The following AGMO variants were observed in gnomAD, a reference collection of about 807,000 sequenced individuals.
AGMO encodes alkylglycerol monooxygenase.
Under a neutral mutation model 60.2 loss-of-function variants are expected in AGMO, and 75 were observed. The ratio of observed to expected loss-of-function variants is 1.25; its 90% confidence interval spans 1.03 to 1.51. AGMO has a LOEUF of 1.51. Among genes scored for constraint, AGMO ranks in the 40% most tolerant of loss-of-function variants. The pLI is 0.00. For synonymous variants in AGMO, 261 were observed against 177.1 expected (o/e 1.47, Z -3.76); for missense variants, 763 against 525.5 (o/e 1.45, Z -4.42).
intron 12 of AGMO, among the ~76,000 whole-genome samples, chr7:15,328,816 C>A (rs1300321505): frequency 6.6e-6 from 1 of 151,992 alleles, no homozygotes; most frequent in Non-Finnish European, 1.5e-5. Flanking sequence ...CTGGTGTTAA[C>A]CTCTCTGAGG....
chr7:15,195,780 G>A (rs752220970), downstream of AGMO, among the ~76,000 whole-genome samples: 125 of 152,194 alleles, frequency 8.2e-4, no homozygotes, highest in Non-Finnish European at 1.2e-3. Flanking sequence ...CCTTACCGAG[G>A]ACTTCCTTAT....
Position 15,411,659 on chromosome 7 carries a change from C to T in AGMO, c.609+6899G>A, listed in dbSNP as rs570321306. 1.9e-4 allele frequency among the ~76,000 whole-genome samples: 29 copies of T among 151,826 alleles called. No homozygotes were observed. The South Asian group carries it at 2.1e-3, about 11-fold the overall frequency. ...ACAAAATAAATATTTAATTTGATAA[C>T]GAATATGTGCCAAGTAGATTAATAA... On this transcript the variant is annotated intron_variant, in intron 5 of 12. Transcript: ENST00000342526.
intron 12 of AGMO, among the ~76,000 whole-genome samples, chr7:15,314,429 A>G (rs1358268805): frequency 6.6e-6 from 1 of 152,138 alleles, no homozygotes; most frequent in Non-Finnish European, 1.5e-5. Context: ...ATGTATGCTT[A>G]AAGTTTATAA....
In AGMO at chr7:15,253,769, C is replaced by T. The variant is rs371855229; in HGVS notation, c.1264-52410G>A. Among the ~76,000 whole-genome samples the T allele has an allele frequency of 1.6e-4, 24 of 152,280 alleles. No individual in the cohort carries two copies. The South Asian group carries it at 5.0e-3, about 32-fold the overall frequency. On this transcript the variant is annotated intron_variant, in intron 12 of 12. Coordinates refer to ENST00000342526, the MANE Select transcript of AGMO (RefSeq NM_001004320.2). ...GTTATTGTTAGCTATAGTCACCCTACTGTGCAATAGAGTACCAGAACTTAT... is the reference window on the plus strand; with the variant it reads ...GTTATTGTTAGCTATAGTCACCCTATTGTGCAATAGAGTACCAGAACTTAT...
chr7:15,192,018 C>T, the AGMO span, among the ~76,000 whole-genome samples: 1 of 150,994 alleles, frequency 6.6e-6, no homozygotes, highest in Non-Finnish European at 1.5e-5. Flanking sequence ...GAGAACTATT[C>T]ATCAAAAATC....
Position 15,390,692 on chromosome 7 carries a change from T to C in AGMO, c.801A>G (p.Thr267=), listed in dbSNP as rs1487318927. ...VVYGLTHPIN[T]FEPIKVQFHH... is the part of the protein sequence containing the mutation. ...TTACCTGCACTTTGATTGGTTCAAA[T>C]GTATTAATGGGATGTGTTAAGCCAT... The change falls in exon 8 of 13, where the codon ACA becomes ACG. Residue 267 remains threonine, a synonymous_variant. Coordinates refer to ENST00000342526, the MANE Select transcript of AGMO (RefSeq NM_001004320.2). 1 of 1,607,062 alleles carries C rather than the reference T, an allele frequency of 6.2e-7. No homozygotes were observed. Among genetic ancestry groups the C allele is most frequent in the Non-Finnish European group, 8.5e-7 (1 of 1,175,738 alleles).
intron 3 of AGMO, among the ~76,000 whole-genome samples, chr7:15,442,705 A>G (rs1157245398): frequency 6.6e-6 from 1 of 152,080 alleles, no homozygotes; most frequent in Admixed American, 6.6e-5. Flanking sequence ...CCACAGACCT[A>G]GGTGAGGACA....
chr7:15,151,823 T>C, the AGMO span, among the ~76,000 whole-genome samples: 94 of 152,266 alleles, frequency 6.2e-4, no homozygotes, highest in African/African-American at 2.2e-3. Flanking sequence ...GTTAGGTCCA[T>C]TTGGTCAGGG....
At chr7:15,350,846 G>A (rs184251363) in intron 12 of AGMO, among the ~76,000 whole-genome samples, 15 of 152,232 alleles carry the variant, frequency 9.9e-5, no homozygotes, top group South Asian at 2.1e-4. Flanking sequence ...ATAATGTGCT[G>A]AGCATATGGA....
chr7:15,197,080 C>G (rs1781136936), downstream of AGMO, among the ~76,000 whole-genome samples: 1 of 151,416 alleles, frequency 6.6e-6, no homozygotes, highest in South Asian at 2.1e-4. Context: ...CTGAGGCAGG[C>G]TTAAGATAGA....
chr7:15,118,792 T>C, the AGMO span, among the ~76,000 whole-genome samples: 1 of 151,478 alleles, frequency 6.6e-6, no homozygotes, highest in African/African-American at 2.4e-5. Context: ...TGAGGAGCTT[T>C]AAAAAATACA....
rs572369214 is a variant in AGMO, at chr7:15,271,387, T to C, written c.1264-70028A>G. 3.3e-5 allele frequency among the ~76,000 whole-genome samples: 5 copies of C among 152,302 alleles called. No individual in the cohort carries two copies. The East Asian group carries it at 9.6e-4, about 29-fold the overall frequency. ...CTCCTTGTAAAGACCTTTCAGCTTC[T>C]TGGTTAAATGTATTCCTAGGTATTT... On this transcript the variant is annotated intron_variant, in intron 12 of 12. Coordinates refer to ENST00000342526, the MANE Select transcript of AGMO (RefSeq NM_001004320.2).
intron 12 of AGMO, among the ~76,000 whole-genome samples, chr7:15,228,782 G>A (rs563979491): frequency 6.6e-6 from 1 of 152,168 alleles, no homozygotes; most frequent in African/African-American, 2.4e-5. Flanking sequence ...ATTCAGCCAG[G>A]TGCATTATCT....
At chr7:15,305,525 G>A (rs556473183) in intron 12 of AGMO, among the ~76,000 whole-genome samples, 1 of 151,996 alleles carries the variant, frequency 6.6e-6, no homozygotes, top group Admixed American at 6.6e-5. Context: ...TGTGTTTTCT[G>A]TAGTTACTTC....
intron 10 of AGMO, among the ~76,000 whole-genome samples, chr7:15,384,654 A>T (rs1783840053): frequency 6.6e-6 from 1 of 152,092 alleles, no homozygotes; most frequent in Admixed American, 6.5e-5. Flanking sequence ...CTTTATTGGT[A>T]ACAAGGTATA....
chr7:15,239,143 C>T (rs1012101901), intron 12 of AGMO, among the ~76,000 whole-genome samples: 3 of 152,068 alleles, frequency 2.0e-5, no homozygotes, highest in Non-Finnish European at 4.4e-5. Flanking sequence ...GCACCATCAA[C>T]ACAACTTGTT....
At chr7:15,317,455 A>G (rs1780959706) in intron 12 of AGMO, among the ~76,000 whole-genome samples, 1 of 152,150 alleles carries the variant, frequency 6.6e-6, no homozygotes, top group Non-Finnish European at 1.5e-5. Context: ...GCTTTATTAA[A>G]TCAGGAGTGG....
At chr7:15,346,240 A>G (rs1782027086) in intron 12 of AGMO, among the ~76,000 whole-genome samples, 1 of 152,170 alleles carries the variant, frequency 6.6e-6, no homozygotes, top group South Asian at 2.1e-4. Context: ...TATAAGCATT[A>G]CATGGACTCT....
At chr7:15,504,447 A>G (rs1348023712) in intron 3 of AGMO, among the ~76,000 whole-genome samples, 1 of 151,902 alleles carries the variant, frequency 6.6e-6, no homozygotes, top group East Asian at 1.9e-4. Context: ...CAAAACCCCC[A>G]CTGGTTTAAT....
Sources: allele counts gnomAD v4.1 joint callset (sites outside exome capture counted in the v4.1 genomes callset), GRCh38; gene constraint gnomAD v4.1.1; transcripts MANE v1.5; gene names NCBI Gene and HGNC (gene_info 2026-07-23, HGNC 2026-07-21).